The following LTBP1 variants were observed in gnomAD, a reference collection of about 807,000 sequenced individuals.
LTBP1 encodes latent-transforming growth factor beta-binding protein 1.
A neutral mutation model predicts 207.6 loss-of-function variants in LTBP1; 129 were observed. The observed-to-expected ratio is 0.62, with a 90% confidence interval of 0.54 to 0.72. The LOEUF (loss-of-function observed/expected upper bound fraction) is 0.72, where lower values mean the gene tolerates loss of function less well. Among genes scored for constraint, LTBP1 ranks in the 30% least tolerant of loss-of-function variants. LTBP1 has a pLI of 0.00. For synonymous variants in LTBP1, 963 were observed against 833.7 expected, an observed-to-expected ratio of 1.16 and a Z score of -2.67; for missense variants, 2,281 against 2,217.2, an observed-to-expected ratio of 1.03 and a Z score of -0.58.
rs369045502 is a variant in LTBP1 at position 33,240,852 on chromosome 2, G to A, written c.1877-2810G>A. Reference sequence around the variant, plus strand: ...TTTTTAGTAGAGACGGGGTTTCACTGTGTTAGCCAGGATGGTCTCGATCTC... The same window carrying A: ...TTTTTAGTAGAGACGGGGTTTCACTATGTTAGCCAGGATGGTCTCGATCTC... On this transcript the variant is annotated intron_variant, in intron 9 of 33. Coordinates refer to ENST00000404816, the MANE Select transcript of LTBP1 (RefSeq NM_206943.4). Among the ~76,000 whole-genome samples the A allele has an allele frequency of 5.3e-5, 8 of 151,926 alleles. No homozygotes were observed. The East Asian group carries it at 7.8e-4, about 15-fold the overall frequency.
At chr2:33,019,001 G>A (rs1215799893) in intron 2 of LTBP1, among the ~76,000 whole-genome samples, 3 of 152,144 alleles carry the variant, frequency 2.0e-5, no homozygotes, top group Non-Finnish European at 4.4e-5. Flanking sequence ...AGGAAGATGG[G>A]AAAATTATTT....
intron 7 of LTBP1, among the ~76,000 whole-genome samples, chr2:33,202,654 A>G (rs568296039): frequency 8.5e-5 from 13 of 152,364 alleles, no homozygotes; most frequent in African/African-American, 2.9e-4. Context: ...GTCTAAAGAA[A>G]AAAATGGTTA....
chr2:33,153,947 C>A (rs966365103), intron 5 of LTBP1, among the ~76,000 whole-genome samples: 6 of 152,162 alleles, frequency 3.9e-5, no homozygotes, highest in Non-Finnish European at 8.8e-5. Flanking sequence ...ATTCCCCCAG[C>A]CCCCTCCTGC....
chr2:33,003,720 T>C (rs1017327872), intron 2 of LTBP1, among the ~76,000 whole-genome samples: 4 of 152,166 alleles, frequency 2.6e-5, no homozygotes, highest in African/African-American at 9.7e-5. Context: ...GGCATGAAAG[T>C]TGTAAGAATC....
At chr2:33,205,438 G>T (rs1404226112) in intron 7 of LTBP1, among the ~76,000 whole-genome samples, 1 of 152,170 alleles carries the variant, frequency 6.6e-6, no homozygotes, top group Non-Finnish European at 1.5e-5. Flanking sequence ...TCTAGGTTGT[G>T]CTTCAGTAAC....
chr2:33,105,254 G>C (rs1645901999), intron 3 of LTBP1, among the ~76,000 whole-genome samples: 1 of 152,158 alleles, frequency 6.6e-6, no homozygotes, highest in South Asian at 2.1e-4. Flanking sequence ...TGGTTTCCAA[G>C]TACATGTAAA....
intron 7 of LTBP1, among the ~76,000 whole-genome samples, chr2:33,207,444 A>C (rs567881862): frequency 3.3e-5 from 5 of 152,328 alleles, no homozygotes; most frequent in African/African-American, 1.2e-4. Context: ...TAGTTGTATC[A>C]GATTCCCCAA....
intron 1 of LTBP1, among the ~76,000 whole-genome samples, chr2:32,948,390 T>C (rs1676596972): frequency 6.6e-6 from 1 of 152,112 alleles, no homozygotes; most frequent in Non-Finnish European, 1.5e-5. Context: ...TACTGGGCGC[T>C]CATAGTGCCT....
rs35334788 is a variant in LTBP1 at position 33,087,084 on chromosome 2, CTTTTTTTTTTT to C, written c.864-23484_864-23474del. On this transcript the variant is annotated intron_variant, in intron 3 of 33. Coordinates refer to ENST00000404816, the MANE Select transcript of LTBP1 (RefSeq NM_206943.4). Reference sequence around the variant, plus strand: ...AGCACCAGGCTGTCCCTCCTTTATGCTTTTTTTTTTTTTTTTTTTTTTTTGGAGAAAGGGTC... The same window carrying C: ...AGCACCAGGCTGTCCCTCCTTTATGCTTTTTTTTTTTTTGGAGAAAGGGTC... Among the ~76,000 whole-genome samples, 171 of 88,976 alleles carry C rather than the reference CTTTTTTTTTTT, an allele frequency of 1.9e-3. 3 individuals carry two copies. Among genetic ancestry groups the C allele is most frequent in the African/African-American group, 7.4e-3 (139 of 18,900 alleles). The allele number at this position is 88,976 out of a possible 152,430, so 58.4% of individuals were successfully genotyped here.
intron 2 of LTBP1, among the ~76,000 whole-genome samples, chr2:32,987,209 G>A (rs773018943): frequency 7.2e-5 from 11 of 152,212 alleles, no homozygotes; most frequent in Non-Finnish European, 1.6e-4. Flanking sequence ...TGGATGGGGT[G>A]GGTATAGTTG....
intron 21 of LTBP1, among the ~76,000 whole-genome samples, chr2:33,300,966 T>C (rs555134438): frequency 6.6e-6 from 1 of 152,348 alleles, no homozygotes; most frequent in African/African-American, 2.4e-5. Flanking sequence ...CCTTAATTTT[T>C]GTATTTAACG....
In LTBP1 at chr2:33,254,557, T is replaced by TTG. The variant is rs1054377927; in HGVS notation, c.2167+1714_2167+1715insGT. ...TTAATTCTTTAAACTTGGTTTTTTTTTTTTTTTTTTTAGGGAGTTTGTTGT... is the reference window on the plus strand; with the variant it reads ...TTAATTCTTTAAACTTGGTTTTTTTTTGTTTTTTTTTTTAGGGAGTTTGTTGT... On this transcript the variant is annotated intron_variant, in intron 11 of 33. Coordinates refer to ENST00000404816, the MANE Select transcript of LTBP1 (RefSeq NM_206943.4). Among the ~76,000 whole-genome samples the TTG allele has an allele frequency of 2.2e-4, 32 of 147,204 alleles. 1 individual carries two copies. In the South Asian group the frequency reaches 2.9e-3, roughly 14 times the overall value.
intron 19 of LTBP1, among the ~76,000 whole-genome samples, chr2:33,286,832 C>CA (rs1198966709): frequency 2.0e-5 from 3 of 152,006 alleles, no homozygotes; most frequent in Non-Finnish European, 2.9e-5. Context: ...ATCGCAAGGA[C>CA]AAAAAACCAA....
In LTBP1 at chr2:33,398,395, G is replaced by T; in HGVS notation, c.5016G>T (p.Arg1672=). 1 of 1,614,022 alleles carries T rather than the reference G, an allele frequency of 6.2e-7. No homozygotes were observed. The highest frequency in any genetic ancestry group is 8.5e-7 in the Non-Finnish European group (1 of 1,179,962). ...ATGAATGCGATGAGTTGAACAACCG[G>T]ATGTCTCTCTGCAAGAATGCCAAGT... ...DVNECDELNN[R]MSLCKNAKCI... The change falls in exon 34 of 34, where the codon CGG becomes CGT. Residue 1672 remains arginine, a synonymous_variant. Transcript: ENST00000404816.
chr2:33,053,000 G>A lies in LTBP1; in HGVS notation c.863+31794G>A, dbSNP rs145806611. Among the ~76,000 whole-genome samples the A allele has an allele frequency of 3.7e-3, 569 of 151,894 alleles. 4 individuals are homozygous for A. Among genetic ancestry groups the A allele is most frequent in the African/African-American group, 0.013 (547 of 41,368 alleles). ...AGCGATTCTCTTGCGTCAGCCTCCCGAGTAGGATTACAGGTGCATACCACC... is the reference window on the plus strand; with the variant it reads ...AGCGATTCTCTTGCGTCAGCCTCCCAAGTAGGATTACAGGTGCATACCACC... On this transcript the variant is annotated intron_variant, in intron 3 of 33. Transcript: ENST00000404816.
chr2:33,144,472 G>A (rs546123738), intron 5 of LTBP1, among the ~76,000 whole-genome samples: 3 of 152,208 alleles, frequency 2.0e-5, no homozygotes, highest in African/African-American at 7.2e-5. Flanking sequence ...TTCTGGCAAG[G>A]GTAAAAGCAT....
intron 10 of LTBP1, among the ~76,000 whole-genome samples, chr2:33,245,993 C>T (rs1394707695): frequency 6.6e-6 from 1 of 152,200 alleles, no homozygotes; most frequent in Non-Finnish European, 1.5e-5. Context: ...ATTTTTGAAA[C>T]ACTTGCACAT....
At chr2:33,176,131 T>A (rs953969779) in intron 5 of LTBP1, among the ~76,000 whole-genome samples, 3 of 151,642 alleles carry the variant, frequency 2.0e-5, no homozygotes, top group African/African-American at 7.3e-5. Flanking sequence ...ATTGTGCACA[T>A]GTACCCTAAA....
At chr2:33,230,091 A>C (rs2091702138) in intron 9 of LTBP1, among the ~76,000 whole-genome samples, 1 of 152,182 alleles carries the variant, frequency 6.6e-6, no homozygotes, top group Admixed American at 6.5e-5. Flanking sequence ...TAGAACCTTG[A>C]AGCTTTTTGA....
Sources: allele counts gnomAD v4.1 joint callset (sites outside exome capture counted in the v4.1 genomes callset), GRCh38; gene constraint gnomAD v4.1.1; transcripts MANE v1.5; gene names NCBI Gene and HGNC (gene_info 2026-07-23, HGNC 2026-07-21).